The following PKD2L2 variants were observed in gnomAD, a reference collection of about 807,000 sequenced individuals.
The protein encoded by PKD2L2 is polycystin-2-like protein 2.
A neutral mutation model predicts 83.9 loss-of-function variants in PKD2L2; 67 were observed. The ratio of observed to expected loss-of-function variants is 0.80; its 90% CI spans 0.66 to 0.98. The LOEUF (loss-of-function observed/expected upper bound fraction) is 0.98. PKD2L2 is among the 50% of genes least tolerant of loss of function. The pLI is 0.00. For missense variants in PKD2L2, 632 were observed against 717.2 expected, an observed-to-expected ratio of 0.88 and a Z score of 1.36; for synonymous variants, 223 against 237.8, an observed-to-expected ratio of 0.94 and a Z score of 0.57.
At chr5:137,914,891 T>G (rs1307968138) in intron 8 of PKD2L2, among the ~76,000 whole-genome samples, 1 of 152,244 alleles carries the variant, frequency 6.6e-6, no homozygotes, top group Non-Finnish European at 1.5e-5. Context: ...ATCATATGGT[T>G]TTTATCCTTC....
At chr5:137,938,286 T>A (rs914479231) in intron 14 of PKD2L2, 1 of 152,584 alleles carries the variant, frequency 6.6e-6, no homozygotes, top group African/African-American at 2.4e-5. Flanking sequence ...TATAAAAATA[T>A]GGTACTCATA....
chr5:137,892,663 C>T, intron 3 of PKD2L2, 50 bp downstream of exon 3: 2 of 1,494,748 alleles, frequency 1.3e-6, no homozygotes, highest in Non-Finnish European at 1.8e-6. Flanking sequence ...AGTCCATGAA[C>T]CCTTGGCATA....
rs534046433 is a variant in PKD2L2, at chr5:137,898,787, G to A, written c.525-729G>A. 4.6e-5 allele frequency among the ~76,000 whole-genome samples: 7 copies of A among 151,768 alleles called. No individual in the cohort carries two copies. The South Asian group carries it at 6.3e-4, about 14-fold the overall frequency. On this transcript the variant is annotated intron_variant, in intron 4 of 14. Coordinates refer to ENST00000508883, the MANE Select transcript of PKD2L2 (RefSeq NM_001300921.2). ...CACCCAGGCTGGAGTGCTGGAGTGC[G>A]GTAGTGCAATCATAGCTCAGTGCGG...
At chr5:137,936,054 T>C (rs927289068) in intron 13 of PKD2L2, 145 bp downstream of exon 13, 15 of 641,944 alleles carry the variant, frequency 2.3e-5, no homozygotes, top group Non-Finnish European at 3.8e-5. Context: ...TAAAGTTGCA[T>C]ATGACTCCAT....
intron 5 of PKD2L2, among the ~76,000 whole-genome samples, chr5:137,905,911 G>A (rs1757324771): frequency 1.3e-5 from 2 of 151,818 alleles, no homozygotes; most frequent in Admixed American, 1.3e-4. Context: ...TTATGAACAA[G>A]CAAGCTGAAC....
chr5:137,921,761 G>T lies in PKD2L2; in HGVS notation c.1449+5G>T, dbSNP rs964344915. ...TTTGTGTTCTTTGTCCTGCTGGTAA[G>T]AATAATACATATTCCTTTCATTTCT... On this transcript the variant is annotated splice_donor_5th_base_variant and intron_variant, in intron 9 of 14. Transcript: ENST00000508883. 1.3e-5 allele frequency: 20 copies of T among 1,583,810 alleles called. No individual in the cohort carries two copies. The highest frequency in any genetic ancestry group is 7.2e-5 in the Admixed American group (4 of 55,808).
chr5:137,897,040 T>C (rs1169174673), intron 4 of PKD2L2, among the ~76,000 whole-genome samples: 3 of 39,406 alleles, frequency 7.6e-5, no homozygotes, highest in African/African-American at 1.8e-4. Context: ...ATTATATTAT[T>C]ATTATTATTA....
chr5:137,909,427 G>A (rs1757623763), intron 8 of PKD2L2, among the ~76,000 whole-genome samples: 1 of 151,696 alleles, frequency 6.6e-6, no homozygotes, highest in Non-Finnish European at 1.5e-5. Flanking sequence ...GGTGTTAATA[G>A]GTCAAGTTAG....
intron 4 of PKD2L2, among the ~76,000 whole-genome samples, chr5:137,895,152 G>A (rs990628281): frequency 2.0e-5 from 3 of 152,132 alleles, no homozygotes; most frequent in East Asian, 1.9e-4. Flanking sequence ...TAGTGCTGGT[G>A]TAGACTCGTG....
chr5:137,923,512 G>C lies in PKD2L2; in HGVS notation c.1542G>C (p.Met514Ile). ...GGCTAGATTTTGAACTTGGCAAAAT[G>C]ATTAAACAGGTAAGTCAAATTTCTT... is the stretch of plus-strand genomic sequence containing the variant. ...GRRLDFELGK[M>I]IKQSYKNVLE... is the part of the protein sequence containing the mutation. Residue 514 changes from methionine (M) to isoleucine (I), a missense_variant, in exon 10 of 15, where the codon ATG (methionine) becomes ATC (isoleucine). Met to Ile is a conservative substitution (Grantham distance 10). Transcript: ENST00000508883. 1 of 1,396,702 alleles carries C rather than the reference G, an allele frequency of 7.2e-7. No homozygotes were observed. Among genetic ancestry groups the C allele is most frequent in the African/African-American group, 1.4e-5 (1 of 70,910 alleles). The allele number at this position is 1,396,702 out of a possible 1,614,324, so 86.5% of individuals were successfully genotyped here. A position where few individuals can be genotyped will look rare whatever the true frequency, so the allele number is the denominator to read the frequency against.
At position 137,923,409 on chromosome 5, in the gene PKD2L2, C is replaced by T. The variant is rs778787830; in HGVS notation, c.1450-11C>T. ...TTTTATTGAAATAATTATTTGAATA[C>T]TTATCCCTAGAATATGTTCTTGGCA... is the stretch of plus-strand genomic sequence containing the variant. On this transcript the variant is annotated splice_polypyrimidine_tract_variant and intron_variant, in intron 9 of 14. Transcript: ENST00000508883. 8.8e-7 allele frequency: 1 copy of T among 1,132,420 alleles called. No homozygotes were observed. Among genetic ancestry groups the T allele is most frequent in the Non-Finnish European group, 1.3e-6 (1 of 748,926 alleles). 70.1% of individuals were successfully genotyped at this position (1,132,420 alleles called of 1,614,324 possible). A position where few individuals can be genotyped will look rare whatever the true frequency, so the allele number is the denominator to read the frequency against.
At chr5:137,926,186 A>G (rs528430096) in intron 12 of PKD2L2, among the ~76,000 whole-genome samples, 10 of 152,360 alleles carry the variant, frequency 6.6e-5, no homozygotes, top group Non-Finnish European at 1.5e-4. Flanking sequence ...TGAATATCAC[A>G]CTGGGTATTC....
chr5:137,914,524 T>G (rs546191068), intron 8 of PKD2L2, among the ~76,000 whole-genome samples: 17 of 152,296 alleles, frequency 1.1e-4, no homozygotes, highest in African/African-American at 3.8e-4. Context: ...ATTCTAATAG[T>G]TTTTTGGTGG....
At chr5:137,925,817 G>A (rs1163166919) in intron 11 of PKD2L2, 58 bp from the exon 12 acceptor site, 9 of 963,980 alleles carry the variant, frequency 9.3e-6, no homozygotes, top group Non-Finnish European at 1.3e-5. Flanking sequence ...GTACTTTATG[G>A]TGGCATTTCC....
intron 14 of PKD2L2, chr5:137,940,151 C>G: frequency 1.9e-6 from 3 of 1,613,380 alleles, no homozygotes; most frequent in Middle Eastern, 1.7e-4. Context: ...AATTTAAGTA[C>G]CAGCCAAGTA....
chr5:137,895,875 C>G (rs1756414175), intron 4 of PKD2L2, among the ~76,000 whole-genome samples: 1 of 125,620 alleles, frequency 8.0e-6, no homozygotes, highest in Non-Finnish European at 1.6e-5. Context: ...GAGACACAGT[C>G]TCAAAAAAAA....
intron 4 of PKD2L2, among the ~76,000 whole-genome samples, chr5:137,894,861 G>A (rs934874966): frequency 6.6e-6 from 1 of 152,146 alleles, no homozygotes; most frequent in Admixed American, 6.5e-5. Flanking sequence ...AGTCATATTG[G>A]ACACAGGGCA....
intron 8 of PKD2L2, among the ~76,000 whole-genome samples, chr5:137,919,248 T>C (rs1038390374): frequency 4.6e-5 from 7 of 152,312 alleles, no homozygotes; most frequent in Middle Eastern, 3.4e-3. Flanking sequence ...TATAACCCTG[T>C]ATGTTGAGGC....
Position 137,925,031 on chromosome 5 carries a change from T to C in PKD2L2, c.1552-9T>C. 2 of 1,529,576 alleles carry C rather than the reference T, an allele frequency of 1.3e-6. No homozygotes were observed. Among genetic ancestry groups the C allele is most frequent in the Non-Finnish European group, 1.8e-6 (2 of 1,105,182 alleles). 94.8% of individuals were successfully genotyped at this position (1,529,576 alleles called of 1,614,324 possible). On this transcript the variant is annotated splice_polypyrimidine_tract_variant and intron_variant, in intron 10 of 14. Transcript: ENST00000508883. ...AATGCATTTTCAAACTATTTTAAAT[T>C]ATGCCCAGAGTTACAAAAATGTTCT...
Sources: allele counts gnomAD v4.1 joint callset (sites outside exome capture counted in the v4.1 genomes callset), GRCh38; gene constraint gnomAD v4.1.1; transcripts MANE v1.5; gene names NCBI Gene and HGNC (gene_info 2026-07-23, HGNC 2026-07-21).